AMPD3: variants seen among roughly 807,000 people sequenced by gnomAD.
AMPD3 encodes AMP deaminase 3.
AMPD3 carries 57 observed loss-of-function variants against 82.3 expected under a neutral mutation model. That is an observed-to-expected ratio of 0.69 (90% CI 0.56 to 0.86). AMPD3 has a LOEUF of 0.86. AMPD3 is among the 40% of genes least tolerant of loss of function. The probability of loss-of-function intolerance (pLI) is 0.00; values close to 1 mark genes in which losing one functional copy is unlikely to be tolerated. For missense variants in AMPD3, 870 were observed against 1,003.8 expected, an observed-to-expected ratio of 0.87 and a Z score of 1.80; for synonymous variants, 381 against 394.7, an observed-to-expected ratio of 0.97 and a Z score of 0.41.
chr11:10,491,854 A>C (rs1473801366), intron 6 of AMPD3, among the ~76,000 whole-genome samples: 1 of 152,214 alleles, frequency 6.6e-6, no homozygotes, highest in Non-Finnish European at 1.5e-5. Flanking sequence ...ATCCAGATAG[A>C]GATATCAAGA....
At position 10,494,894 on chromosome 11, in the gene AMPD3, C is replaced by G. The variant is rs202231572; in HGVS notation, c.1135-5C>G. 30 of 1,613,722 alleles carry G rather than the reference C, an allele frequency of 1.9e-5. No homozygotes were observed. The Admixed American group carries it at 2.8e-4, about 15-fold the overall frequency. On this transcript the variant is annotated splice_region_variant and splice_polypyrimidine_tract_variant and intron_variant, in intron 7 of 14. Coordinates refer to ENST00000396553, the MANE Select transcript of AMPD3 (RefSeq NM_001025389.2). ...TGCGTTGATTGGTGTGGTCTCCCCC[C>G]TCAGGGCCGGCAGACATTCCACCGC... is the stretch of plus-strand genomic sequence containing the variant.
intron 1 of AMPD3, among the ~76,000 whole-genome samples, chr11:10,458,850 C>T (rs973895905): frequency 1.3e-5 from 2 of 152,098 alleles, no homozygotes; most frequent in African/African-American, 4.8e-5. Context: ...ATGGCATTTG[C>T]GGCCTTTTGC....
At chr11:10,487,150 G>T (rs1393814938) in intron 5 of AMPD3, 85 bp from the exon 6 acceptor site, 1 of 1,602,894 alleles carries the variant, frequency 6.2e-7, no homozygotes, top group Non-Finnish European at 8.5e-7. Context: ...TCCAGCCAGG[G>T]TTGGCCCCTG....
intron 2 of AMPD3, chr11:10,477,913 A>G: frequency 1.0e-6 from 1 of 985,376 alleles, no homozygotes; most frequent in Non-Finnish European, 1.2e-6. Flanking sequence ...TGATGCCTGT[A>G]AGCTTGGATG....
intron 6 of AMPD3, chr11:10,490,570 A>G (rs1444073486): frequency 1.0e-6 from 1 of 985,106 alleles, no homozygotes; most frequent in East Asian, 1.1e-4. Context: ...GAAAACACTG[A>G]CCTCCAATGA....
chr11:10,504,265 CAG>C (rs1849656801), intron 13 of AMPD3: 2 of 978,264 alleles, frequency 2.0e-6, no homozygotes, highest in African/African-American at 1.8e-5. Flanking sequence ...CACAGGAGAG[CAG>C]AGACTGCCAT....
intron 2 of AMPD3, among the ~76,000 whole-genome samples, chr11:10,464,689 TC>T (rs1224261949): frequency 6.6e-6 from 1 of 152,208 alleles, no homozygotes; most frequent in African/African-American, 2.4e-5. Context: ...CCCAATTTTG[TC>T]TTTTAGTTTC....
intron 10 of AMPD3, among the ~76,000 whole-genome samples, chr11:10,498,696 A>G (rs1849491623): frequency 6.6e-6 from 1 of 152,212 alleles, no homozygotes; most frequent in South Asian, 2.1e-4. Context: ...CTGCCCCCAT[A>G]GGAACAGGAG....
intron 1 of AMPD3, among the ~76,000 whole-genome samples, chr11:10,459,669 A>G (rs11820856): frequency 0.33 from 50,034 of 151,944 alleles, 8,509 homozygotes; most frequent in Admixed American, 0.43. Context: ...GCTGCTCCCA[A>G]CGAGGGTGGC....
At position 10,502,867 on chromosome 11, in the gene AMPD3, T is replaced by C; in HGVS notation, c.1989T>C (p.Asp663=). ...HKGLHVSLST[D]DPMQFHYTKE... ...GACTGCATGTTTCTCTTTCCACCGA[T>C]GACCCCATGCAGTTCCACTACACGA... The change falls in exon 13 of 15, where the codon GAT becomes GAC. Residue 663 remains aspartate, a synonymous_variant. Transcript: ENST00000396553. 1.2e-6 allele frequency: 2 copies of C among 1,614,226 alleles called. No homozygotes were observed. The highest frequency in any genetic ancestry group is 1.3e-5 in the African/African-American group (1 of 75,054).
intron 6 of AMPD3, 106 bp from the exon 7 acceptor site, chr11:10,493,243 G>GGCCC: frequency 7.6e-7 from 1 of 1,317,152 alleles, no homozygotes; most frequent in South Asian, 1.2e-5. Flanking sequence ...CTGCCCGGAT[G>GGCCC]GCCCATGAGG....
At chr11:10,497,390 A>T (rs188477325) in intron 10 of AMPD3, among the ~76,000 whole-genome samples, 112 of 152,238 alleles carry the variant, frequency 7.4e-4, no homozygotes, top group African/African-American at 2.1e-3. Context: ...CCTAAAGTGT[A>T]TTTCCCTTCC....
At chr11:10,475,538 TA>T (rs1848713994) in intron 2 of AMPD3, among the ~76,000 whole-genome samples, 1 of 152,162 alleles carries the variant, frequency 6.6e-6, no homozygotes, top group Non-Finnish European at 1.5e-5. Flanking sequence ...GTAGAATTTC[TA>T]AAACGGCCCC....
At chr11:10,496,652 A>G in intron 9 of AMPD3, 160 bp from the exon 10 acceptor site, 6 of 1,435,688 alleles carry the variant, frequency 4.2e-6, no homozygotes, top group Non-Finnish European at 4.7e-6. Context: ...CATTGCTGGG[A>G]GAGGAGGACA....
At chr11:10,484,396 G>A in intron 4 of AMPD3, 1 of 985,328 alleles carries the variant, frequency 1.0e-6, no homozygotes, top group Non-Finnish European at 1.2e-6. Flanking sequence ...GGCAGTCCAG[G>A]TGCAATCTGT....
At chr11:10,498,062 T>C (rs1849470538) in intron 10 of AMPD3, among the ~76,000 whole-genome samples, 1 of 152,194 alleles carries the variant, frequency 6.6e-6, no homozygotes, top group Admixed American at 6.5e-5. Context: ...AGAGCTGGAA[T>C]GCGTTTCCAG....
chr11:10,502,021 G>A (rs1436678001), intron 12 of AMPD3: 1 of 985,282 alleles, frequency 1.0e-6, no homozygotes, highest in East Asian at 1.1e-4. Flanking sequence ...TGAAGGGTCT[G>A]CCACTTTGTC....
At chr11:10,451,039 A>G (rs373856117), upstream of AMPD3, 4 of 1,581,788 alleles carry the variant, frequency 2.5e-6, no homozygotes, top group East Asian at 2.3e-5. Context: ...TGTCGTCCGA[A>G]CCCGGTGAGT....
chr11:10,495,796 G>C (rs1849380672), intron 9 of AMPD3, 63 bp downstream of exon 9: 1 of 1,602,738 alleles, frequency 6.2e-7, no homozygotes, highest in Non-Finnish European at 8.5e-7. Context: ...TCCCTCATGG[G>C]CTGCTGAGTC....
Sources: gnomAD v4.1 joint callset for allele counts (sites outside exome capture counted in the v4.1 genomes callset) on GRCh38, gnomAD v4.1.1 for gene constraint, MANE v1.5 for transcripts, NCBI Gene and HGNC (gene_info 2026-07-23, HGNC 2026-07-21) for gene names.